The following ATP7B variants were observed in gnomAD, a reference collection of about 807,000 sequenced individuals.
ATP7B encodes copper-transporting ATPase 2.
Under a neutral mutation model 118.9 loss-of-function variants are expected in ATP7B, and 113 were observed. The observed-to-expected ratio is 0.95, with a 90% CI of 0.82 to 1.11. ATP7B has a LOEUF of 1.11. Among genes scored for constraint, ATP7B ranks in the 50% most tolerant of loss-of-function variants. The pLI is 0.00. For missense variants in ATP7B, 1,867 were observed against 1,871.4 expected (o/e 1.00, Z 0.04); for synonymous variants, 777 against 727.4 (o/e 1.07, Z -1.10).
At chr13:51,990,890 C>T (rs186185343) in intron 1 of ATP7B, among the ~76,000 whole-genome samples, 10 of 152,292 alleles carry the variant, frequency 6.6e-5, no homozygotes, top group Non-Finnish European at 1.2e-4. Flanking sequence ...GAGATTGAGA[C>T]GATCCTGGAC....
Position 51,937,342 on chromosome 13 carries a change from G to A in ATP7B, c.3955C>T (p.Arg1319Ter), listed in dbSNP as rs193922109. 1.4e-4 allele frequency: 226 copies of A among 1,614,016 alleles called. 1 individual carries two copies. The highest frequency in any genetic ancestry group is 4.9e-4 in the Middle Eastern group (3 of 6,084). Residue 1319 changes from arginine to a stop codon, truncating the protein, a stop_gained, in exon 19 of 21, where the codon CGA becomes TGA. Transcript: ENST00000242839. LOFTEE classifies it high-confidence loss of function. ...ASIHLSKRTV[R>*]RIRINLVLAL... ...AGGACCAGGTTGATGCGTATCCTTC[G>A]GACAGTCCTCTTGGAAAGGTGAATG...
At chr13:51,981,526 G>A (rs1952418899) in intron 1 of ATP7B, among the ~76,000 whole-genome samples, 1 of 152,118 alleles carries the variant, frequency 6.6e-6, no homozygotes, top group Non-Finnish European at 1.5e-5. Context: ...TGCCTTGCTC[G>A]GCCTTATCTA....
intron 9 of ATP7B, among the ~76,000 whole-genome samples, chr13:51,952,196 G>C (rs957982202): frequency 5.3e-5 from 8 of 152,218 alleles, no homozygotes; most frequent in Non-Finnish European, 8.8e-5. Flanking sequence ...CGGGGGGAGA[G>C]GAGAAGACGG....
In ATP7B at chr13:51,934,045, G is replaced by A. The variant is rs1054063041; in HGVS notation, c.*711C>T. 4.5e-5 allele frequency: 7 copies of A among 153,988 alleles called. No homozygotes were observed. The highest frequency in any genetic ancestry group is 1.7e-4 in the African/African-American group (7 of 41,570). 9.5% of individuals were successfully genotyped at this position (153,988 alleles called of 1,614,324 possible). ...AGAACTCTCCTCAACTTGAAGAAGAGTGTGGCAAGCTCCCTGGCTGGGGAT... is the reference window on the plus strand; with the variant it reads ...AGAACTCTCCTCAACTTGAAGAAGAATGTGGCAAGCTCCCTGGCTGGGGAT... On this transcript the variant is annotated 3_prime_UTR_variant, in exon 21 of 21. Coordinates refer to ENST00000242839, the MANE Select transcript of ATP7B (RefSeq NM_000053.4).
chr13:51,937,211 C>G, intron 19 of ATP7B, 65 bp downstream of exon 19: 2 of 1,513,608 alleles, frequency 1.3e-6, no homozygotes, highest in Non-Finnish European at 1.8e-6. Flanking sequence ...CTAACCCCAG[C>G]AGGAACCTGG....
rs760140568 is a variant in ATP7B, at chr13:51,974,672, G to A, written c.548C>T (p.Ala183Val). ...GAGATAAGGCTGATAAGTGATGACG[G>A]CCTCTTGGTTGCTGAGTGAGACTTT... is the stretch of plus-strand genomic sequence containing the variant. ...RVKVSLSNQE[A>V]VITYQPYLIQ... is the part of the protein sequence containing the mutation. Residue 183 changes from alanine to valine, a missense_variant, in exon 2 of 21, where the codon GCC (alanine) becomes GTC (valine). By Grantham distance (64) the Ala-to-Val change is moderately conservative. Transcript: ENST00000242839. 7 of 1,610,888 alleles carry A rather than the reference G, an allele frequency of 4.3e-6. No homozygotes were observed. The Admixed American group carries it at 1.0e-4, about 23-fold the overall frequency.
chr13:51,970,410 C>A, intron 3 of ATP7B, 82 bp downstream of exon 3: 1 of 1,590,426 alleles, frequency 6.3e-7, no homozygotes, highest in South Asian at 1.1e-5. Context: ...TACTGATAAA[C>A]ACAGTTGCTG....
In ATP7B at chr13:51,950,330, A is replaced by G. The variant is rs1192411256; in HGVS notation, c.2517T>C (p.Phe839=). The G allele has an allele frequency of 6.2e-7, 1 of 1,614,144 alleles. No individual in the cohort carries two copies. Among genetic ancestry groups the G allele is most frequent in the Admixed American group, 1.7e-5 (1 of 60,016 alleles). ...DIVKVVPGGK[F]PVDGKVLEGN... is the part of the protein sequence containing the mutation. ...CTTCCAGGACTTTCCCATCCACTGG[A>G]AACTTTCCCCCAGGGACCACCTTGA... The change falls in exon 10 of 21, where the codon TTT becomes TTC. Residue 839 remains phenylalanine, a synonymous_variant. Coordinates refer to ENST00000242839, the MANE Select transcript of ATP7B (RefSeq NM_000053.4).
At chr13:51,948,893 T>A (rs1419860517) in intron 12 of ATP7B, among the ~76,000 whole-genome samples, 2 of 152,182 alleles carry the variant, frequency 1.3e-5, no homozygotes, top group African/African-American at 4.8e-5. Context: ...TAAAAAGCTA[T>A]TCACGCCTGG....
At chr13:51,983,227 G>C (rs1821710490) in intron 1 of ATP7B, among the ~76,000 whole-genome samples, 1 of 152,186 alleles carries the variant, frequency 6.6e-6, no homozygotes, top group African/African-American at 2.4e-5. Context: ...AGCTTGGTCG[G>C]GGGAGGGGCA....
At chr13:52,002,260 C>T (rs188774957) in intron 1 of ATP7B, among the ~76,000 whole-genome samples, 2 of 151,794 alleles carry the variant, frequency 1.3e-5, no homozygotes, top group East Asian at 3.9e-4. Flanking sequence ...CTAAACTTTC[C>T]GACAATACTC....
upstream of ATP7B, among the ~76,000 whole-genome samples, chr13:52,011,679 G>C (rs990338196): frequency 1.3e-5 from 2 of 152,240 alleles, no homozygotes; most frequent in Non-Finnish European, 2.9e-5. Context: ...GGCCCCGCCG[G>C]TGCCACAGTG....
At chr13:51,941,357 G>T in intron 15 of ATP7B, 133 bp from the exon 16 acceptor site, 1 of 1,082,846 alleles carries the variant, frequency 9.2e-7, no homozygotes, top group Non-Finnish European at 1.4e-6. Context: ...CACCTCTTGT[G>T]ACAGCATCCT....
intron 1 of ATP7B, among the ~76,000 whole-genome samples, chr13:51,979,921 G>A (rs1952328875): frequency 6.6e-6 from 1 of 152,236 alleles, no homozygotes; most frequent in Non-Finnish European, 1.5e-5. Context: ...AGGCCAAGCA[G>A]TTACAGAAGA....
In ATP7B at chr13:51,934,823, G is replaced by A; in HGVS notation, c.4331C>T (p.Ala1444Val). Residue 1444 changes from alanine (A) to valine (V), a missense_variant, in exon 21 of 21, where the codon GCA becomes GTA. By Grantham distance (64) the Ala-to-Val change is moderately conservative. Transcript: ENST00000242839. ...TSDKPSRHSA[A>V]ADDDGDKWSL... ...CCACTTGTCCCCATCATCGTCTGCT[G>A]CAGCGCTGTGCCGAGATGGCTTGTC... 1.2e-6 allele frequency: 2 copies of A among 1,614,192 alleles called. No homozygotes were observed.
chr13:51,953,229 C>G (rs887561790), intron 9 of ATP7B, among the ~76,000 whole-genome samples: 19 of 152,172 alleles, frequency 1.2e-4, no homozygotes, highest in African/African-American at 4.3e-4. Context: ...CTTGAGGCCC[C>G]CTCTGAACAA....
intron 9 of ATP7B, among the ~76,000 whole-genome samples, chr13:51,955,560 G>A (rs1013979682): frequency 1.3e-5 from 2 of 152,184 alleles, no homozygotes; most frequent in East Asian, 1.9e-4. Context: ...CACGCACCCC[G>A]TGGGCACTTC....
intron 1 of ATP7B, among the ~76,000 whole-genome samples, chr13:51,998,025 T>C (rs1486771978): frequency 6.6e-6 from 1 of 152,168 alleles, no homozygotes; most frequent in Non-Finnish European, 1.5e-5. Flanking sequence ...TTCTAGCACC[T>C]TCCCCTTTCC....
Position 51,958,371 on chromosome 13 carries a change from G to A in ATP7B, c.2295C>T (p.Asp765=), listed in dbSNP as rs774769813. The change falls in exon 8 of 21, where the codon GAC becomes GAT. Residue 765 remains aspartate, a synonymous_variant. Transcript: ENST00000242839. ...TGAACACAAAGAGCATGGGGGGCGT[G>A]TCGAAGAATGTCACAGGGCTCCTCT... ...KAERSPVTFF[D]TPPMLFVFIA... 3 of 1,614,204 alleles carry A rather than the reference G, an allele frequency of 1.9e-6. No individual in the cohort carries two copies. The highest frequency in any genetic ancestry group is 1.1e-5 in the South Asian group (1 of 91,084).
Sources: allele counts gnomAD v4.1 joint callset (sites outside exome capture counted in the v4.1 genomes callset), GRCh38; gene constraint gnomAD v4.1.1; transcripts MANE v1.5; gene names NCBI Gene and HGNC (gene_info 2026-07-23, HGNC 2026-07-21).